Variants in RADIL observed in about 807,000 individuals in gnomAD.
RADIL encodes the protein ras-associating and dilute domain-containing protein.
Under a neutral mutation model 97.6 loss-of-function variants are expected in RADIL, and 99 were observed. That is an observed-to-expected ratio of 1.01 (90% CI 0.86 to 1.20). RADIL has a LOEUF of 1.20. Among genes scored for constraint, RADIL ranks in the 50% most tolerant of loss-of-function variants. RADIL has a pLI of 0.00. For synonymous variants in RADIL, 803 were observed against 691.8 expected, an observed-to-expected ratio of 1.16 and a Z score of -2.52; for missense variants, 1,765 against 1,498.9, an observed-to-expected ratio of 1.18 and a Z score of -2.93.
At position 4,873,895 on chromosome 7, in the gene RADIL, C is replaced by T. The variant is rs767039854; in HGVS notation, c.535+3710G>A. 5.3e-5 allele frequency among the ~76,000 whole-genome samples: 8 copies of T among 152,224 alleles called. No individual in the cohort carries two copies. Among genetic ancestry groups the T allele is most frequent in the African/African-American group, 1.7e-4 (7 of 41,466 alleles). On this transcript the variant is annotated intron_variant, in intron 2 of 14. Coordinates refer to ENST00000399583, the MANE Select transcript of RADIL (RefSeq NM_018059.5). The surrounding 1 kb of genome is among the most constrained non-coding windows in gnomAD (Gnocchi z 4.3). ...CCAACCTGAGGCAGGCTGGCGCCCA[C>T]GGCTGCTGGAGAAGCTGCTACAGTG... is the stretch of plus-strand genomic sequence containing the variant.
In RADIL at chr7:4,812,038, C is replaced by T. The variant is rs1371441426; in HGVS notation, c.2139+3240G>A. Among the ~76,000 whole-genome samples, 306 of 152,086 alleles carry T rather than the reference C, an allele frequency of 2.0e-3. 3 individuals are homozygous for T. The highest frequency in any genetic ancestry group is 4.6e-4 in the Non-Finnish European group (31 of 67,994). On this transcript the variant is annotated intron_variant, in intron 9 of 14. Coordinates refer to ENST00000399583, the MANE Select transcript of RADIL (RefSeq NM_018059.5). ...CACGGGCATGCATCACCATGCCTGG[C>T]TACTTTTTCTGTGTGTGTTTTTGTA... is the stretch of plus-strand genomic sequence containing the variant.
intron 5 of RADIL, among the ~76,000 whole-genome samples, chr7:4,828,752 C>A (rs1441210323): frequency 1.3e-5 from 2 of 151,874 alleles, no homozygotes; most frequent in Non-Finnish European, 2.9e-5. Context: ...AAAGGAAAAG[C>A]CCCCCAGGCA....
chr7:4,883,260 C>T lies in RADIL; in HGVS notation c.-65+336G>A, dbSNP rs1434562646. The stretch of plus-strand genomic sequence containing the variant: ...GCCGGGAAAACTGAGGGCCGAGAGT[C>T]CCCTGGAGTTGGGGGTCCGGGGCCC... On this transcript the variant is annotated intron_variant, in intron 1 of 14. Coordinates refer to ENST00000399583, the MANE Select transcript of RADIL (RefSeq NM_018059.5). The surrounding 1 kb of genome is among the most constrained non-coding windows in gnomAD (Gnocchi z 7.1). 6.7e-6 allele frequency among the ~76,000 whole-genome samples: 1 copy of T among 150,250 alleles called. No individual in the cohort carries two copies. Among genetic ancestry groups the T allele is most frequent in the South Asian group, 2.1e-4 (1 of 4,826 alleles).
At chr7:4,848,617 T>C (rs187669827) in intron 2 of RADIL, among the ~76,000 whole-genome samples, 18 of 152,262 alleles carry the variant, frequency 1.2e-4, no homozygotes, top group African/African-American at 4.1e-4. Context: ...AATATTTGTA[T>C]AGACCCATCT....
At position 4,809,149 on chromosome 7, in the gene RADIL, C is replaced by T. The variant is rs541855255; in HGVS notation, c.2140-3433G>A. The stretch of plus-strand genomic sequence containing the variant: ...TTCCTGGCCTCAGCGTGGGGTGGCC[C>T]GGCCGCTTCTGGAAGACCCCTGGCG... On this transcript the variant is annotated intron_variant, in intron 9 of 14. Transcript: ENST00000399583. 42 of 985,202 alleles carry T rather than the reference C, an allele frequency of 4.3e-5. No homozygotes were observed. In the East Asian group the frequency reaches 3.5e-3, roughly 83 times the overall value. 61.0% of individuals were successfully genotyped at this position (985,202 alleles called of 1,614,324 possible). A position where few individuals can be genotyped will look rare whatever the true frequency, so the allele number is the denominator to read the frequency against.
rs995152769 is a variant in RADIL, at chr7:4,817,851, G to A, written c.1616-500C>T. On this transcript the variant is annotated intron_variant, in intron 6 of 14. Coordinates refer to ENST00000399583, the MANE Select transcript of RADIL (RefSeq NM_018059.5). The surrounding 1 kb of genome is among the most constrained non-coding windows in gnomAD (Gnocchi z 8.3). ...CCACCCCCGGGTGTCAGCCGGGGCG[G>A]CTGGAGCTGAGGCTGGGGGGAGCTG... 1.3e-5 allele frequency among the ~76,000 whole-genome samples: 2 copies of A among 152,184 alleles called. No homozygotes were observed. Among genetic ancestry groups the A allele is most frequent in the Non-Finnish European group, 2.9e-5 (2 of 68,024 alleles).
rs1331783418 is a variant in RADIL, at chr7:4,822,914, C to T, written c.1455-360G>A. Among the ~76,000 whole-genome samples, 2 of 151,996 alleles carry T rather than the reference C, an allele frequency of 1.3e-5. No individual in the cohort carries two copies. Among genetic ancestry groups the T allele is most frequent in the Non-Finnish European group, 2.9e-5 (2 of 68,002 alleles). On this transcript the variant is annotated intron_variant, in intron 5 of 14. Transcript: ENST00000399583. The surrounding 1 kb of genome is among the most constrained non-coding windows in gnomAD (Gnocchi z 5.3). Reference sequence around the variant, plus strand: ...CAATATGTGTGTGTGTGCGTGTATGCGTGCATGGGGGTGGGGGCTGGTCCA... The same window carrying T: ...CAATATGTGTGTGTGTGCGTGTATGTGTGCATGGGGGTGGGGGCTGGTCCA...
chr7:4,859,677 C>A, intron 2 of RADIL: 1 of 550,662 alleles, frequency 1.8e-6, no homozygotes, highest in Non-Finnish European at 3.2e-6. Context: ...AACCATTCAA[C>A]CTGTTTTACT....
At chr7:4,855,620 TAAAAAAAAAAA>T (rs760588803) in intron 2 of RADIL, among the ~76,000 whole-genome samples, 12 of 88,174 alleles carry the variant, frequency 1.4e-4, no homozygotes, top group South Asian at 8.0e-4. Flanking sequence ...TTTATTTTTG[TAAAAAAAAAAA>T]AAAAAAAAAA....
rs1782008612 is a variant in RADIL, at chr7:4,799,647, C to G, written c.3105G>C (p.Leu1035=). Residue 1035 remains leucine, a synonymous_variant, in exon 14 of 15, where the codon CTG becomes CTC. Transcript: ENST00000399583. The part of the protein sequence containing the change: ...RILEVNGSSL[L]GLGYLRAVDL... ...GGGGGTACCTCAGGTAGCCAAGGCCCAGGAGGCTGCTGCCATTCACCTCCA... is the reference window on the plus strand; with the variant it reads ...GGGGGTACCTCAGGTAGCCAAGGCCGAGGAGGCTGCTGCCATTCACCTCCA... 2 of 1,602,922 alleles carry G rather than the reference C, an allele frequency of 1.2e-6. No homozygotes were observed. The highest frequency in any genetic ancestry group is 1.7e-5 in the Admixed American group (1 of 58,270).
Position 4,801,986 on chromosome 7 carries a change from G to T in RADIL, c.2509C>A (p.His837Asn), listed in dbSNP as rs752991677. The change falls in exon 12 of 15, where the codon CAC (histidine) becomes AAC (asparagine). Residue 837 changes from histidine to asparagine, a missense_variant. By Grantham distance (68) the His-to-Asn change is moderately conservative. Transcript: ENST00000399583. The stretch of plus-strand genomic sequence containing the variant: ...TCCAGGTGCCCGTCAAGGACCACGT[G>T]GTGCATACCCTAGGGAGAGGAAGGG... ...SQPVCPEGMH[H>N]VVLDGHLEAP... The T allele has an allele frequency of 1.3e-6, 2 of 1,531,340 alleles. No homozygotes were observed. Among genetic ancestry groups the T allele is most frequent in the South Asian group, 2.6e-5 (2 of 78,398 alleles). 94.9% of individuals were successfully genotyped at this position (1,531,340 alleles called of 1,614,324 possible). A position where few individuals can be genotyped will look rare whatever the true frequency, so the allele number is the denominator to read the frequency against.
In RADIL at chr7:4,815,273, C is replaced by G. The variant is rs372651957; in HGVS notation, c.2139+5G>C. 1.3e-5 allele frequency: 20 copies of G among 1,551,624 alleles called. No individual in the cohort carries two copies. Among genetic ancestry groups the G allele is most frequent in the Non-Finnish European group, 1.7e-5 (20 of 1,147,768 alleles). On this transcript the variant is annotated splice_donor_5th_base_variant and intron_variant, in intron 9 of 14. Transcript: ENST00000399583. The surrounding 1 kb of genome is among the most constrained non-coding windows in gnomAD (Gnocchi z 8.0). ...ACACTCGCCGCCTCCCATGCGCACC[C>G]CTACCTGGATGAGCTGGGCCCTGGG...
In RADIL at chr7:4,879,744, G is replaced by A. The variant is rs1028215790; in HGVS notation, c.-64-1541C>T. On this transcript the variant is annotated intron_variant, in intron 1 of 14. Transcript: ENST00000399583. The surrounding 1 kb of genome is among the most constrained non-coding windows in gnomAD (Gnocchi z 4.1). Reference sequence around the variant, plus strand: ...CCCTCCAAAGAAAAGGAGCCACACTGTCCCTTAGGAAACTAAACAGTGGAA... The same window carrying A: ...CCCTCCAAAGAAAAGGAGCCACACTATCCCTTAGGAAACTAAACAGTGGAA... Among the ~76,000 whole-genome samples, 8 of 152,184 alleles carry A rather than the reference G, an allele frequency of 5.3e-5. No individual in the cohort carries two copies. Among genetic ancestry groups the A allele is most frequent in the African/African-American group, 1.9e-4 (8 of 41,440 alleles).
In RADIL at chr7:4,883,708, G is replaced by A. The variant is rs1044812203; in HGVS notation, c.-177C>T. 1 of 151,952 alleles carries A rather than the reference G, an allele frequency of 6.6e-6. No homozygotes were observed. Among genetic ancestry groups the A allele is most frequent in the African/African-American group, 2.4e-5 (1 of 41,438 alleles). The allele number at this position is 151,952 out of a possible 1,614,324, so 9.4% of individuals were successfully genotyped here. ...CGGCGCCTCCTGCCGGCGGCGCAAC[G>A]GGCGGGGCGGGGCCTCAAGGGGACG... On this transcript the variant is annotated 5_prime_UTR_variant, in exon 1 of 15. Coordinates refer to ENST00000399583, the MANE Select transcript of RADIL (RefSeq NM_018059.5). The surrounding 1 kb of genome is among the most constrained non-coding windows in gnomAD (Gnocchi z 7.1).
chr7:4,802,975 C>A (rs796344472), intron 11 of RADIL, among the ~76,000 whole-genome samples: 1 of 84,728 alleles, frequency 1.2e-5, no homozygotes, highest in Admixed American at 9.5e-5. Context: ...GCCCCCTCCC[C>A]GGGTACCTCG....
intron 10 of RADIL, among the ~76,000 whole-genome samples, chr7:4,804,950 T>C (rs571040539): frequency 6.6e-6 from 1 of 150,496 alleles, no homozygotes; most frequent in South Asian, 2.1e-4. Flanking sequence ...AAAAATTAGT[T>C]GGGCGTGGTG....
At chr7:4,807,841 T>TCC (rs1364281200) in intron 9 of RADIL, among the ~76,000 whole-genome samples, 1 of 34,554 alleles carries the variant, frequency 2.9e-5, no homozygotes, top group Admixed American at 3.0e-4. Flanking sequence ...TCTCTCTCCC[T>TCC]CTCTCTCTCC....
chr7:4,858,570 T>A (rs755859273), intron 2 of RADIL: 1 of 152,644 alleles, frequency 6.6e-6, no homozygotes, highest in Non-Finnish European at 1.5e-5. Context: ...ATAAAAGTGT[T>A]TAAAATTCTT....
chr7:4,845,583 G>A (rs1783546615), intron 2 of RADIL, among the ~76,000 whole-genome samples: 1 of 152,156 alleles, frequency 6.6e-6, no homozygotes, highest in Non-Finnish European at 1.5e-5. Flanking sequence ...CCTGACAGGT[G>A]ATTTCTCCTC....
Sources: gnomAD v4.1 joint callset for allele counts (sites outside exome capture counted in the v4.1 genomes callset) on GRCh38, gnomAD v4.1.1 for gene constraint, Gnocchi (gnomAD v3.1) non-coding constraint, MANE v1.5 for transcripts, NCBI Gene and HGNC (gene_info 2026-07-23, HGNC 2026-07-21) for gene names.